Variants in XRCC5 observed in about 807,000 individuals in gnomAD.
XRCC5 encodes the protein X-ray repair cross complementing 5.
Under a neutral mutation model 95.7 loss-of-function variants are expected in XRCC5, and 12 were observed. The ratio of observed to expected loss-of-function variants is 0.13; its 90% CI spans 0.08 to 0.20. XRCC5 has a LOEUF of 0.20. Ranked by LOEUF, XRCC5 falls within the 10% of genes least tolerant of loss-of-function variation. The pLI is 1.00. For missense variants in XRCC5, 595 were observed against 873.9 expected (o/e 0.68, Z 4.02); for synonymous variants, 281 against 290.3 (o/e 0.97, Z 0.33).
At chr2:216,164,935 C>T (rs1689026641) in intron 16 of XRCC5, among the ~76,000 whole-genome samples, 2 of 152,172 alleles carry the variant, frequency 1.3e-5, no homozygotes, top group South Asian at 4.1e-4. Flanking sequence ...CTACTCACAT[C>T]TTAGGAAAAT....
chr2:216,109,770 T>C lies in XRCC5; in HGVS notation c.21+313T>C, dbSNP rs189717119. Among the ~76,000 whole-genome samples, 356 of 151,422 alleles carry C rather than the reference T, an allele frequency of 2.4e-3. 3 individuals are homozygous for C. The highest frequency in any genetic ancestry group is 8.1e-3 in the African/African-American group (336 of 41,282). On this transcript the variant is annotated intron_variant, in intron 1 of 20. Transcript: ENST00000392132. Reference sequence around the variant, plus strand: ...CCACCCGCCTCCCCTCTCTCTCTCTTTATCCCATTCCACTCCCTAGCCCCA... The same window carrying C: ...CCACCCGCCTCCCCTCTCTCTCTCTCTATCCCATTCCACTCCCTAGCCCCA...
At chr2:216,150,820 C>T (rs1049818925) in intron 14 of XRCC5, among the ~76,000 whole-genome samples, 7 of 152,012 alleles carry the variant, frequency 4.6e-5, no homozygotes, top group Non-Finnish European at 8.8e-5. Flanking sequence ...ACCTGGGAGG[C>T]AGAGGTTGCA....
At chr2:216,180,833 A>T (rs1311443596) in intron 16 of XRCC5, among the ~76,000 whole-genome samples, 1 of 140,144 alleles carries the variant, frequency 7.1e-6, no homozygotes, top group Non-Finnish European at 1.5e-5. Flanking sequence ...TTTTTCCGAG[A>T]TGGAGTTTCG....
intron 19 of XRCC5, among the ~76,000 whole-genome samples, chr2:216,197,331 T>A (rs1196880899): frequency 6.6e-6 from 1 of 151,260 alleles, no homozygotes; most frequent in Non-Finnish European, 1.5e-5. Context: ...AGTTGTAGTT[T>A]AAGACAACTC....
At chr2:216,143,714 T>TA (rs1406247724) in intron 13 of XRCC5, among the ~76,000 whole-genome samples, 13 of 151,808 alleles carry the variant, frequency 8.6e-5, no homozygotes, top group African/African-American at 2.9e-4. Context: ...TTTTTTTTTT[T>TA]ATTTTTATTT....
At chr2:216,163,560 G>A (rs1688994234) in intron 16 of XRCC5, among the ~76,000 whole-genome samples, 1 of 114,624 alleles carries the variant, frequency 8.7e-6, no homozygotes, top group Non-Finnish European at 2.2e-5. Flanking sequence ...AAAGTGCTGG[G>A]ATTACTGTGA....
At chr2:216,195,360 C>CTT (rs1253289682) in intron 19 of XRCC5, among the ~76,000 whole-genome samples, 18 of 101,094 alleles carry the variant, frequency 1.8e-4, no homozygotes, top group African/African-American at 9.7e-4. Context: ...CTTTTCTTTT[C>CTT]TTTTCTTTTC....
intron 14 of XRCC5, among the ~76,000 whole-genome samples, chr2:216,149,186 T>G (rs1472080795): frequency 6.6e-6 from 1 of 152,206 alleles, no homozygotes; most frequent in Non-Finnish European, 1.5e-5. Flanking sequence ...TCCGGAAGTC[T>G]TCACAGGTTT....
intron 16 of XRCC5, among the ~76,000 whole-genome samples, chr2:216,189,361 C>G (rs1271413929): frequency 2.0e-5 from 3 of 152,256 alleles, no homozygotes; most frequent in Non-Finnish European, 4.4e-5. Context: ...TGATTACCCA[C>G]ATCTCCCTGA....
intron 11 of XRCC5, 127 bp from the exon 12 acceptor site, chr2:216,137,962 T>C (rs1467894644): frequency 8.4e-6 from 6 of 715,474 alleles, no homozygotes; most frequent in Non-Finnish European, 1.4e-5. Flanking sequence ...ACTTTTCATA[T>C]GCCAGAGTTG....
At chr2:216,125,312 C>G (rs1254347274) in intron 6 of XRCC5, among the ~76,000 whole-genome samples, 2 of 152,066 alleles carry the variant, frequency 1.3e-5, no homozygotes, top group Admixed American at 6.5e-5. Context: ...ATTCTCCTAC[C>G]TCAGCCTCCC....
chr2:216,148,137 C>G lies in XRCC5; in HGVS notation c.1531C>G (p.His511Asp). ...PREPLPPIQQHIWNMLNPPAE... is the reference protein window; with the variant it reads ...PREPLPPIQQDIWNMLNPPAE... ...GGAGCCTCTACCCCCAATTCAGCAG[C>G]ATATTTGGAATATGCTGAATCCTCC... The change falls in exon 14 of 21, where the codon CAT becomes GAT. Residue 511 changes from histidine to aspartate, a missense_variant. Coordinates refer to ENST00000392132, the MANE Select transcript of XRCC5 (RefSeq NM_021141.4). The G allele has an allele frequency of 6.2e-7, 1 of 1,613,922 alleles. No individual in the cohort carries two copies.
At chr2:216,137,301 T>C in intron 11 of XRCC5, 76 bp downstream of exon 11, 1 of 1,463,834 alleles carries the variant, frequency 6.8e-7, no homozygotes, top group Non-Finnish European at 9.2e-7. Flanking sequence ...GCTGTTAATG[T>C]TCATGACAAT....
At chr2:216,190,078 A>G in intron 16 of XRCC5, 147 bp from the exon 17 acceptor site, 1 of 543,436 alleles carries the variant, frequency 1.8e-6, no homozygotes, top group Non-Finnish European at 3.1e-6. Context: ...TTTGCATCTC[A>G]TCTCTCCCCT....
intron 16 of XRCC5, among the ~76,000 whole-genome samples, chr2:216,163,940 CTT>C (rs1211576816): frequency 6.6e-6 from 1 of 152,178 alleles, no homozygotes; most frequent in Non-Finnish European, 1.5e-5. Context: ...AGGAGAAAAA[CTT>C]TGAGTTTTAA....
intron 15 of XRCC5, among the ~76,000 whole-genome samples, chr2:216,161,317 G>A (rs1177973239): frequency 1.3e-5 from 2 of 152,266 alleles, no homozygotes; most frequent in East Asian, 3.9e-4. Flanking sequence ...TGGTTCTTAG[G>A]CCCTGTGAGG....
At chr2:216,125,783 C>G in intron 6 of XRCC5, 134 bp from the exon 7 acceptor site, 1 of 664,852 alleles carries the variant, frequency 1.5e-6, no homozygotes, top group Non-Finnish European at 2.5e-6. Flanking sequence ...TTGTTGTTTT[C>G]CGGCCATCTC....
chr2:216,118,989 G>A, intron 4 of XRCC5, 54 bp from the exon 5 acceptor site: 1 of 1,587,680 alleles, frequency 6.3e-7, no homozygotes, highest in Non-Finnish European at 8.6e-7. Context: ...ATTTGAATTT[G>A]TAGAAAAATA....
intron 18 of XRCC5, 135 bp downstream of exon 18, chr2:216,192,870 A>G (rs910309805): frequency 5.0e-6 from 3 of 600,680 alleles, no homozygotes; most frequent in African/African-American, 1.9e-5. Flanking sequence ...ATGACTTTCT[A>G]CATGGCTTTG....
Sources: gnomAD v4.1 joint callset for allele counts (sites outside exome capture counted in the v4.1 genomes callset) on GRCh38, gnomAD v4.1.1 for gene constraint, MANE v1.5 for transcripts, NCBI Gene and HGNC (gene_info 2026-07-23, HGNC 2026-07-21) for gene names.